Variants in PTPRG observed in about 807,000 individuals in gnomAD.
The protein encoded by PTPRG is receptor-type tyrosine-protein phosphatase gamma.
PTPRG carries 102 observed loss-of-function variants against 165.3 expected under a neutral mutation model. The ratio of observed to expected loss-of-function variants is 0.62; its 90% CI spans 0.53 to 0.73. The LOEUF is 0.73. Among genes scored for constraint, PTPRG ranks in the 30% least tolerant of loss-of-function variants. The probability of loss-of-function intolerance (pLI) is 0.00; values close to 1 mark genes in which losing one functional copy is unlikely to be tolerated. For synonymous variants in PTPRG, 675 were observed against 669.5 expected, an observed-to-expected ratio of 1.01 and a Z score of -0.13; for missense variants, 1,866 against 1,861.4, an observed-to-expected ratio of 1.00 and a Z score of -0.05.
chr3:61,652,771 A>G (rs3846227), intron 1 of PTPRG, among the ~76,000 whole-genome samples: 149,016 of 152,278 alleles, frequency 0.98, 72,992 homozygotes, highest in East Asian at 1. Flanking sequence ...CCTGGCCTCC[A>G]CTCACTGGAT....
chr3:62,047,263 T>TTATTTATG (rs1553709170), intron 4 of PTPRG, among the ~76,000 whole-genome samples: 55 of 149,954 alleles, frequency 3.7e-4, no homozygotes, highest in South Asian at 1.9e-3. Context: ...ATTTATTTAT[T>TTATTTATG]TATTTATTTT....
intron 28 of PTPRG, among the ~76,000 whole-genome samples, chr3:62,285,636 G>GTC (rs1702621212): frequency 6.6e-6 from 1 of 151,912 alleles, no homozygotes; most frequent in African/African-American, 2.4e-5. Flanking sequence ...GACAGGCACA[G>GTC]CTTAAAGACA....
intron 2 of PTPRG, among the ~76,000 whole-genome samples, chr3:61,887,544 CT>C (rs2038086254): frequency 6.6e-6 from 1 of 152,082 alleles, no homozygotes; most frequent in African/African-American, 2.4e-5. Context: ...AAGGAAGTTC[CT>C]TTACCAATTC....
chr3:61,820,882 C>A (rs961723901), intron 2 of PTPRG, among the ~76,000 whole-genome samples: 6 of 151,958 alleles, frequency 3.9e-5, no homozygotes, highest in African/African-American at 9.7e-5. Flanking sequence ...TTACTTGTTA[C>A]CTCTAACACC....
chr3:61,966,131 T>C (rs1350283682), intron 2 of PTPRG, among the ~76,000 whole-genome samples: 1 of 152,346 alleles, frequency 6.6e-6, no homozygotes, highest in East Asian at 1.9e-4. Flanking sequence ...AACAAGGTCT[T>C]CCATATTGAC....
intron 6 of PTPRG, among the ~76,000 whole-genome samples, chr3:62,154,118 T>G (rs1704447302): frequency 1.3e-5 from 2 of 152,308 alleles, no homozygotes; most frequent in South Asian, 4.1e-4. Flanking sequence ...GATCCCCTAC[T>G]CGGCTTCAGC....
intron 8 of PTPRG, among the ~76,000 whole-genome samples, chr3:62,181,405 T>C (rs1576103972): frequency 6.6e-6 from 1 of 151,366 alleles, no homozygotes; most frequent in Admixed American, 6.6e-5. Context: ...AGGGCCTTTG[T>C]ACACACTTTT....
chr3:62,173,384 A>G (rs1195509882), intron 8 of PTPRG, among the ~76,000 whole-genome samples: 1 of 152,196 alleles, frequency 6.6e-6, no homozygotes, highest in East Asian at 1.9e-4. Context: ...TATGTAAATG[A>G]GCATAGAAAA....
Position 62,297,083 on chromosome 3 carries a change from A to C in PTPRG, c.*3776A>C, listed in dbSNP as rs113961795. 1.3e-5 allele frequency: 2 copies of C among 152,114 alleles called. No individual in the cohort carries two copies. Among genetic ancestry groups the C allele is most frequent in the African/African-American group, 4.8e-5 (2 of 41,430 alleles). The allele number at this position is 152,114 out of a possible 1,614,324, so 9.4% of individuals were successfully genotyped here. ...CATGTTTCTTTCACTCCATTTTGAA[A>C]TAGCTAAAAATCATTAAAACTGTAA... On this transcript the variant is annotated 3_prime_UTR_variant, in exon 30 of 30. Coordinates refer to ENST00000474889, the MANE Select transcript of PTPRG (RefSeq NM_002841.4).
At chr3:62,055,003 C>A (rs1019411195) in intron 4 of PTPRG, among the ~76,000 whole-genome samples, 2 of 152,158 alleles carry the variant, frequency 1.3e-5, no homozygotes, top group African/African-American at 2.4e-5. Flanking sequence ...GCAGGTAGCA[C>A]TTAATTTGAA....
At chr3:61,930,632 T>G (rs760361200) in intron 2 of PTPRG, among the ~76,000 whole-genome samples, 28 of 152,242 alleles carry the variant, frequency 1.8e-4, no homozygotes, top group Non-Finnish European at 3.8e-4. Context: ...AAGCTCTGGA[T>G]GTACAGTTGT....
Position 61,561,581 on chromosome 3 carries a change from C to T in PTPRG, c.-707C>T, listed in dbSNP as rs1699750307. The T allele has an allele frequency of 6.6e-6, 1 of 152,270 alleles. No homozygotes were observed. The allele number at this position is 152,270 out of a possible 1,614,324, so 9.4% of individuals were successfully genotyped here. On this transcript the variant is annotated 5_prime_UTR_variant, in exon 1 of 30. Coordinates refer to ENST00000474889, the MANE Select transcript of PTPRG (RefSeq NM_002841.4). ...AGGATCCATGCTCACATGTTACTTC[C>T]TGTATGGAGGCATGGCCAGTTTCCA...
At chr3:62,043,260 T>C (rs1700183638) in intron 4 of PTPRG, among the ~76,000 whole-genome samples, 1 of 152,236 alleles carries the variant, frequency 6.6e-6, no homozygotes, top group Non-Finnish European at 1.5e-5. Flanking sequence ...GATACACCTT[T>C]AGTGCTTTGT....
intron 1 of PTPRG, among the ~76,000 whole-genome samples, chr3:61,623,863 A>G (rs1575545534): frequency 6.6e-6 from 1 of 152,230 alleles, no homozygotes; most frequent in East Asian, 1.9e-4. Flanking sequence ...CTGAGGAGAC[A>G]GGAGCAGGCA....
chr3:62,092,452 A>G (rs1283253593), intron 5 of PTPRG, among the ~76,000 whole-genome samples: 3 of 150,790 alleles, frequency 2.0e-5, no homozygotes, highest in Non-Finnish European at 4.4e-5. Context: ...AAAAAAAAAA[A>G]AAAAAAAGAA....
chr3:62,231,925 A>ATGAT (rs1700912938), intron 14 of PTPRG, among the ~76,000 whole-genome samples: 1 of 152,118 alleles, frequency 6.6e-6, no homozygotes, highest in African/African-American at 2.4e-5. Flanking sequence ...TTTGGAACTC[A>ATGAT]TGATTGTACA....
chr3:61,640,296 T>C (rs564749964), intron 1 of PTPRG, among the ~76,000 whole-genome samples: 22 of 152,252 alleles, frequency 1.4e-4, no homozygotes, highest in Admixed American at 1.3e-3. Flanking sequence ...ATCAGTCTTT[T>C]CCCAAAATGA....
intron 1 of PTPRG, among the ~76,000 whole-genome samples, chr3:61,738,337 T>TGTATATATATATGTGTATATATATATAG (rs2032839621): frequency 7.2e-6 from 1 of 138,760 alleles, no homozygotes. Context: ...TATATATATA[T>TGTATATATATATGTGTATATATATATAG]GTATATATAT....
chr3:61,702,326 C>T (rs2031013480), intron 1 of PTPRG, among the ~76,000 whole-genome samples: 1 of 152,164 alleles, frequency 6.6e-6, no homozygotes, highest in South Asian at 2.1e-4. Flanking sequence ...AGACTTTACC[C>T]ATCCTTACCT....
Sources: allele counts gnomAD v4.1 joint callset (sites outside exome capture counted in the v4.1 genomes callset), GRCh38; gene constraint gnomAD v4.1.1; transcripts MANE v1.5; gene names NCBI Gene and HGNC (gene_info 2026-07-23, HGNC 2026-07-21).